Variants in RBM41 observed in about 807,000 individuals in gnomAD.
RBM41 encodes RNA-binding protein 41.
A neutral mutation model predicts 30.8 loss-of-function variants in RBM41; 14 were observed. The observed-to-expected ratio is 0.45, with a 90% confidence interval of 0.30 to 0.71. The LOEUF is 0.71. RBM41 is among the 30% of genes least tolerant of loss of function. RBM41 has a pLI of 0.08. For missense variants in RBM41, 276 were observed against 326.3 expected (o/e 0.85, Z 1.19); for synonymous variants, 120 against 110.1 (o/e 1.09, Z -0.56).
chrX:107,097,467 G>A (rs1007311962), intron 5 of RBM41, among the ~76,000 whole-genome samples: 15 of 111,168 alleles, frequency 1.3e-4, no homozygotes, highest in Admixed American at 5.7e-4. Flanking sequence ...CTGTTCTTGT[G>A]ATAGTGAGTT....
At chrX:107,054,274 A>C in the RBM41 span, among the ~76,000 whole-genome samples, 1 of 111,481 alleles carries the variant, frequency 9.0e-6, no homozygotes, top group Non-Finnish European at 1.9e-5. Context: ...TCAGATACTA[A>C]GACTCCTACT....
At chrX:107,059,570 C>T (rs1223105810), downstream of RBM41, among the ~76,000 whole-genome samples, 2 of 111,646 alleles carry the variant, frequency 1.8e-5, no homozygotes, top group Admixed American at 1.9e-4. Context: ...TATTTTATTG[C>T]ACGGTTGTAC....
chrX:107,099,690 T>TAC (rs58279760), intron 5 of RBM41, among the ~76,000 whole-genome samples: 28,460 of 92,163 alleles, frequency 0.31, 3,645 homozygotes, highest in East Asian at 0.44. Flanking sequence ...TCCTGAAAGG[T>TAC]ACACACACAC....
chrX:107,077,390 C>T (rs895604799), intron 6 of RBM41, among the ~76,000 whole-genome samples: 12 of 111,277 alleles, frequency 1.1e-4, no homozygotes, highest in Non-Finnish European at 1.5e-4. Context: ...GCCTCGGCCT[C>T]CCAAAGTGCT....
Position 107,088,924 on chromosome X carries a change from C to T in RBM41, c.596-85G>A, listed in dbSNP as rs969850640. 1.6e-5 allele frequency: 18 copies of T among 1,105,604 alleles called. No individual in the cohort carries two copies. In the South Asian group the frequency reaches 3.7e-4, roughly 23 times the overall value. 91.1% of individuals were successfully genotyped at this position (1,105,604 alleles called of 1,213,427 possible). A position where few individuals can be genotyped will look rare whatever the true frequency, so the allele number is the denominator to read the frequency against. On this transcript the variant is annotated intron_variant, in intron 5 of 7. Transcript: ENST00000685964. The stretch of plus-strand genomic sequence containing the variant: ...AATTAATAAAAATTAAATCCTGGAC[C>T]TCAGATAAAGAAACACTGCTGGGGC...
the RBM41 span, among the ~76,000 whole-genome samples, chrX:107,055,304 C>T: frequency 1.1e-4 from 12 of 111,764 alleles, no homozygotes; most frequent in Non-Finnish European, 2.3e-4. Context: ...TTACAACAAA[C>T]GCTAGAGTAC....
chrX:107,080,243 A>G (rs763295636), intron 6 of RBM41, among the ~76,000 whole-genome samples: 2 of 110,074 alleles, frequency 1.8e-5, no homozygotes, highest in South Asian at 4.0e-4. Flanking sequence ...GCAATGAATA[A>G]AAGTCCCAGA....
rs1372656045 is a variant in RBM41, at chrX:107,067,298, T to C, written c.*229A>G. On this transcript the variant is annotated 3_prime_UTR_variant, in exon 8 of 8. Coordinates refer to ENST00000685964, the MANE Select transcript of RBM41 (RefSeq NM_001324242.2). ...AATTCATCCTGAGAAAATAATACTC[T>C]TTGCACTTTACCCTTCATACTCAGC... is the stretch of plus-strand genomic sequence containing the variant. 5.8e-5 allele frequency: 53 copies of C among 908,329 alleles called. No homozygotes were observed. Among genetic ancestry groups the C allele is most frequent in the Non-Finnish European group, 6.8e-5 (50 of 735,354 alleles). 74.9% of individuals were successfully genotyped at this position (908,329 alleles called of 1,213,427 possible). A position where few individuals can be genotyped will look rare whatever the true frequency, so the allele number is the denominator to read the frequency against.
intron 5 of RBM41, among the ~76,000 whole-genome samples, chrX:107,107,496 A>C (rs896141614): frequency 2.7e-5 from 3 of 112,036 alleles, no homozygotes; most frequent in Admixed American, 9.5e-5. Context: ...ACTAGGAGAT[A>C]GATTGTTGAA....
chrX:107,092,134 G>C (rs1238094492), intron 5 of RBM41, among the ~76,000 whole-genome samples: 1 of 111,049 alleles, frequency 9.0e-6, no homozygotes, highest in Non-Finnish European at 1.9e-5. Context: ...ATTTCCACCA[G>C]CAAGGCATAG....
At chrX:107,052,213 G>A in the RBM41 span, among the ~76,000 whole-genome samples, 1 of 111,590 alleles carries the variant, frequency 9.0e-6, no homozygotes, top group African/African-American at 3.3e-5. Flanking sequence ...TTGCTGGCTC[G>A]AATGCCTGGG....
the RBM41 span, among the ~76,000 whole-genome samples, chrX:107,055,593 G>A: frequency 8.9e-6 from 1 of 112,456 alleles, no homozygotes; most frequent in African/African-American, 3.2e-5. Flanking sequence ...CAAAGTGCTG[G>A]GATTACAGGC....
intron 5 of RBM41, among the ~76,000 whole-genome samples, chrX:107,102,568 A>C (rs1397663475): frequency 1.8e-5 from 2 of 111,380 alleles, no homozygotes; most frequent in Non-Finnish European, 3.8e-5. Context: ...AATGGTGTAA[A>C]TCTCTTGACA....
intron 5 of RBM41, among the ~76,000 whole-genome samples, chrX:107,100,379 C>G (rs6622151): frequency 0.24 from 25,899 of 108,929 alleles, 2,561 homozygotes; most frequent in East Asian, 0.47. Context: ...GTAATCCCAG[C>G]TACTCGGAAG....
the RBM41 span, among the ~76,000 whole-genome samples, chrX:107,055,614 G>A: frequency 1.5e-4 from 17 of 112,643 alleles, no homozygotes; most frequent in African/African-American, 5.2e-4. Context: ...GTGAGCCACT[G>A]CGCCTGGCCA....
At position 107,063,539 on chromosome X, in the gene RBM41, T is replaced by C. The variant is rs1935722693; in HGVS notation, c.*3988A>G. ...ACTCATTTAACCTATTTACTTGATATAGGTTTATTCAAGTTTTCTACTTCT... is the reference window on the plus strand; with the variant it reads ...ACTCATTTAACCTATTTACTTGATACAGGTTTATTCAAGTTTTCTACTTCT... On this transcript the variant is annotated 3_prime_UTR_variant, in exon 8 of 8. Transcript: ENST00000685964. Among the ~76,000 whole-genome samples the C allele has an allele frequency of 8.9e-6, 1 of 112,569 alleles. No homozygotes were observed. Among genetic ancestry groups the C allele is most frequent in the Admixed American group, 9.4e-5 (1 of 10,646 alleles).
chrX:107,093,489 C>T (rs1569337511), intron 5 of RBM41, among the ~76,000 whole-genome samples: 1 of 111,713 alleles, frequency 9.0e-6, no homozygotes, highest in East Asian at 2.8e-4. Context: ...TCTAAATAAC[C>T]CATGGGTCAA....
intron 6 of RBM41, among the ~76,000 whole-genome samples, chrX:107,084,916 T>C (rs1921878745): frequency 1.8e-5 from 2 of 112,442 alleles, no homozygotes; most frequent in South Asian, 7.4e-4. Flanking sequence ...ACTAGCTATT[T>C]TTGTTCAAAA....
chrX:107,102,486 C>A (rs928021860), intron 5 of RBM41, among the ~76,000 whole-genome samples: 3 of 111,547 alleles, frequency 2.7e-5, no homozygotes, highest in Non-Finnish European at 5.7e-5. Flanking sequence ...AGGATCCAAT[C>A]AACCACCTCA....
Sources: gnomAD v4.1 joint callset for allele counts (sites outside exome capture counted in the v4.1 genomes callset) on GRCh38, gnomAD v4.1.1 for gene constraint, MANE v1.5 for transcripts, NCBI Gene and HGNC (gene_info 2026-07-23, HGNC 2026-07-21) for gene names.